PPP1R1C: variants seen among roughly 807,000 people sequenced by gnomAD.
PPP1R1C encodes protein phosphatase 1 regulatory subunit 1C.
In PPP1R1C, 15 loss-of-function variants were observed where a neutral mutation model predicts 17.4. That is an observed-to-expected ratio of 0.86 (90% CI 0.58 to 1.33). The LOEUF is 1.33. Ranked by LOEUF, PPP1R1C falls within the 40% of genes most tolerant of loss-of-function variation. The pLI is 0.00. For synonymous variants in PPP1R1C, 35 were observed against 43.1 expected (o/e 0.81, Z 0.73); for missense variants, 143 against 130.0 (o/e 1.10, Z -0.48).
At chr2:182,047,144 A>G (rs540854953) in intron 2 of PPP1R1C, among the ~76,000 whole-genome samples, 1 of 152,270 alleles carries the variant, frequency 6.6e-6, no homozygotes, top group Admixed American at 6.5e-5. Flanking sequence ...TGCTCACCTC[A>G]ATTATTTCCC....
intron 1 of PPP1R1C, among the ~76,000 whole-genome samples, chr2:181,968,397 A>G (rs1684944465): frequency 6.6e-6 from 1 of 152,136 alleles, no homozygotes; most frequent in African/African-American, 2.4e-5. Context: ...TTATACGTTT[A>G]TAGTTGTTAT....
At chr2:182,035,589 C>T (rs1028231542) in intron 2 of PPP1R1C, among the ~76,000 whole-genome samples, 1 of 152,020 alleles carries the variant, frequency 6.6e-6, no homozygotes, top group Admixed American at 6.6e-5. Flanking sequence ...TAGCACCATC[C>T]CTCAAGTGCT....
intron 4 of PPP1R1C, among the ~76,000 whole-genome samples, chr2:182,111,348 A>G (rs1157159685): frequency 6.6e-6 from 1 of 152,154 alleles, no homozygotes; most frequent in Non-Finnish European, 1.5e-5. Flanking sequence ...GGCTTAAGTA[A>G]TGGGGAGTTA....
rs773298577 is a variant in PPP1R1C at position 181,967,263 on chromosome 2, A to G, written n.112-7956A>G. 1.1e-4 allele frequency among the ~76,000 whole-genome samples: 17 copies of G among 151,844 alleles called. No homozygotes were observed. Among genetic ancestry groups the G allele is most frequent in the Non-Finnish European group, 2.2e-4 (15 of 67,938 alleles). On this transcript the variant is annotated intron_variant and non_coding_transcript_variant, in intron 1 of 5. Transcript: ENST00000464264. The surrounding 1 kb of genome is among the most constrained non-coding windows in gnomAD (Gnocchi z 5.5). ...CAAAAAACCAAATTTTCCCTTTATT[A>G]ATCTCATATTTTTTGGTTTCAATTT... is the stretch of plus-strand genomic sequence containing the variant.
chr2:182,044,425 C>G (rs978880396), intron 2 of PPP1R1C, among the ~76,000 whole-genome samples: 3 of 152,152 alleles, frequency 2.0e-5, no homozygotes, highest in East Asian at 1.9e-4. Context: ...ACGTCATGCT[C>G]TCTCACACCT....
chr2:182,030,136 A>G (rs1471105442), intron 2 of PPP1R1C, among the ~76,000 whole-genome samples: 1 of 148,388 alleles, frequency 6.7e-6, no homozygotes, highest in Non-Finnish European at 1.5e-5. Flanking sequence ...CAAAGTTTTC[A>G]ACTTCTTTGC....
chr2:182,041,965 AT>A (rs1687196840), intron 2 of PPP1R1C, among the ~76,000 whole-genome samples: 1 of 151,874 alleles, frequency 6.6e-6, no homozygotes, highest in South Asian at 2.1e-4. Flanking sequence ...TTTGTATCCC[AT>A]TTTTCCAACT....
At chr2:182,127,994 T>C (rs1031325689) in intron 5 of PPP1R1C, among the ~76,000 whole-genome samples, 2 of 152,120 alleles carry the variant, frequency 1.3e-5, no homozygotes, top group Admixed American at 6.6e-5. Context: ...TCAGATATTA[T>C]TAACTGTTCT....
chr2:182,023,294 C>A (rs577224147), intron 2 of PPP1R1C, among the ~76,000 whole-genome samples: 20 of 152,032 alleles, frequency 1.3e-4, no homozygotes, highest in African/African-American at 3.9e-4. Flanking sequence ...CAAAATGGTA[C>A]CACTACTGAA....
At chr2:182,091,951 A>T (rs1688793828) in intron 4 of PPP1R1C, among the ~76,000 whole-genome samples, 1 of 152,168 alleles carries the variant, frequency 6.6e-6, no homozygotes, top group Non-Finnish European at 1.5e-5. Flanking sequence ...AGCCCCTAGA[A>T]CATAGTGACA....
In PPP1R1C at chr2:181,961,423, C is replaced by T. The variant is rs570103119; in HGVS notation, n.111+6789C>T. 91 of 758,824 alleles carry T rather than the reference C, an allele frequency of 1.2e-4. No homozygotes were observed. Among genetic ancestry groups the T allele is most frequent in the South Asian group, 1.1e-3 (74 of 68,756 alleles). The allele number at this position is 758,824 out of a possible 1,614,324, so 47.0% of individuals were successfully genotyped here. On this transcript the variant is annotated intron_variant and non_coding_transcript_variant, in intron 1 of 5. Coordinates refer to the PPP1R1C transcript ENST00000464264. This position sits in a 1 kb window ranked among gnomAD's most constrained non-coding sequence, Gnocchi z 5.8. ...CCCGATCTGGTGCTGTCCCTCTGCC[C>T]GGCTCTGTGCCATCTCTGACTCCAG...
rs1314684410 is a variant in PPP1R1C, at chr2:182,071,064, TAC to T, written c.241+7275_241+7276del. Among the ~76,000 whole-genome samples the T allele has an allele frequency of 1.3e-5, 2 of 152,198 alleles. 1 individual carries two copies. Among genetic ancestry groups the T allele is most frequent in the Non-Finnish European group, 2.9e-5 (2 of 68,034 alleles). The stretch of plus-strand genomic sequence containing the variant: ...CCTCCAACACTGGGGATTACAATTG[TAC>T]ATGAGATTTGGATGGGGACACAGAT... On this transcript the variant is annotated intron_variant, in intron 4 of 4. Coordinates refer to ENST00000682840, the MANE Select transcript of PPP1R1C (RefSeq NM_001080545.3).
At chr2:182,067,666 C>T (rs999584302) in intron 4 of PPP1R1C, among the ~76,000 whole-genome samples, 2 of 152,050 alleles carry the variant, frequency 1.3e-5, no homozygotes, top group Non-Finnish European at 2.9e-5. Context: ...GGGTTGTTCA[C>T]CCCACAAAAC....
chr2:181,966,567 A>G (rs547323547), intron 1 of PPP1R1C, among the ~76,000 whole-genome samples: 1 of 152,272 alleles, frequency 6.6e-6, no homozygotes, highest in South Asian at 2.1e-4. Flanking sequence ...TGCAATGATC[A>G]TATGGCTTTT....
intron 2 of PPP1R1C, among the ~76,000 whole-genome samples, chr2:181,977,278 A>G (rs1401129950): frequency 6.9e-6 from 1 of 145,548 alleles, no homozygotes; most frequent in Non-Finnish European, 1.5e-5. Flanking sequence ...CATCCTCTGT[A>G]GTTTTGACAT....
At chr2:182,022,220 T>C (rs975705578) in intron 2 of PPP1R1C, among the ~76,000 whole-genome samples, 3 of 152,232 alleles carry the variant, frequency 2.0e-5, no homozygotes. Flanking sequence ...TAACACCATC[T>C]TCACCTGAAG....
intron 1 of PPP1R1C, 76 bp from the exon 2 acceptor site, chr2:181,987,763 A>G: frequency 1.4e-6 from 2 of 1,470,288 alleles, no homozygotes; most frequent in Non-Finnish European, 1.9e-6. Flanking sequence ...AGGGTGAGAC[A>G]GCTTTGCAAG....
At chr2:182,049,952 A>C (rs1687461297) in intron 2 of PPP1R1C, among the ~76,000 whole-genome samples, 1 of 152,170 alleles carries the variant, frequency 6.6e-6, no homozygotes, top group Non-Finnish European at 1.5e-5. Flanking sequence ...CAATTGCCAA[A>C]ATATCTTGTG....
At chr2:182,058,214 A>T (rs914117231) in intron 2 of PPP1R1C, among the ~76,000 whole-genome samples, 7 of 152,254 alleles carry the variant, frequency 4.6e-5, no homozygotes, top group African/African-American at 1.7e-4. Context: ...TGGCTATGAC[A>T]GTCTCTCAGA....
Sources: gnomAD v4.1 joint callset for allele counts (sites outside exome capture counted in the v4.1 genomes callset) on GRCh38, gnomAD v4.1.1 for gene constraint, Gnocchi (gnomAD v3.1) non-coding constraint, MANE v1.5 for transcripts, NCBI Gene and HGNC (gene_info 2026-07-23, HGNC 2026-07-21) for gene names.